OSBP2: variants seen among roughly 807,000 people sequenced by gnomAD.
The protein encoded by OSBP2 is oxysterol-binding protein 2.
In OSBP2, 66 loss-of-function variants were observed where a neutral mutation model predicts 96.0. That is an observed-to-expected ratio of 0.69 (90% CI 0.56 to 0.84). The LOEUF (loss-of-function observed/expected upper bound fraction) is 0.84, where lower values mean the gene tolerates loss of function less well. Among genes scored for constraint, OSBP2 ranks in the 40% least tolerant of loss-of-function variants. The pLI, the probability that OSBP2 is intolerant of heterozygous loss-of-function variation, is 0.00. For synonymous variants in OSBP2, 525 were observed against 520.9 expected (o/e 1.01, Z -0.11); for missense variants, 1,038 against 1,222.7 (o/e 0.85, Z 2.25).
Position 30,905,134 on chromosome 22 carries a change from C to CTTTT in OSBP2, c.2376-676_2376-673dup, listed in dbSNP as rs566334052. ...GCCTGGGCCACAGAGCGAGACCCGT[C>CTTTT]TTTTTTTTTTTTTTTTTTTTTTTTT... On this transcript the variant is annotated intron_variant, in intron 12 of 13. Transcript: ENST00000332585. Among the ~76,000 whole-genome samples, 84 of 68,722 alleles carry CTTTT rather than the reference C, an allele frequency of 1.2e-3. 6 individuals are homozygous for CTTTT. Among genetic ancestry groups the CTTTT allele is most frequent in the Middle Eastern group, 0.019 (2 of 104 alleles). 45.1% of individuals were successfully genotyped at this position (68,722 alleles called of 152,430 possible).
chr22:30,791,041 T>C (rs184391344), intron 2 of OSBP2, among the ~76,000 whole-genome samples: 73 of 152,248 alleles, frequency 4.8e-4, no homozygotes, highest in African/African-American at 1.7e-3. Context: ...TGGAGTGCAG[T>C]GGTGTGATCT....
At chr22:30,858,964 T>C (rs1305510299) in intron 2 of OSBP2, among the ~76,000 whole-genome samples, 2 of 151,660 alleles carry the variant, frequency 1.3e-5, no homozygotes, top group Non-Finnish European at 2.9e-5. Flanking sequence ...TTCAATAGGT[T>C]CCTATTTAGT....
intron 2 of OSBP2, among the ~76,000 whole-genome samples, chr22:30,824,495 GT>G (rs2038355474): frequency 6.6e-6 from 1 of 152,164 alleles, no homozygotes; most frequent in Admixed American, 6.5e-5. Flanking sequence ...GGAAATCTCA[GT>G]TTTTATAAGA....
At chr22:30,787,923 C>CA (rs1414475023) in intron 2 of OSBP2, among the ~76,000 whole-genome samples, 1 of 152,152 alleles carries the variant, frequency 6.6e-6, no homozygotes, top group Non-Finnish European at 1.5e-5. Flanking sequence ...GTCTTAGTGA[C>CA]AGACGGTAGT....
intron 1 of OSBP2, among the ~76,000 whole-genome samples, chr22:30,730,774 C>CTATATATATATATATATATATATATA (rs1206537838): frequency 7.2e-5 from 1 of 13,836 alleles, no homozygotes; most frequent in Non-Finnish European, 1.4e-4. Context: ...CTCTCTCTCT[C>CTATATATATATATATATATATATATA]TATATATATA....
At chr22:30,867,586 G>T (rs1008472824) in intron 2 of OSBP2, among the ~76,000 whole-genome samples, 14 of 152,214 alleles carry the variant, frequency 9.2e-5, no homozygotes, top group Admixed American at 2.0e-4. Flanking sequence ...GTGCTCATGG[G>T]TAATCATTGG....
intron 1 of OSBP2, among the ~76,000 whole-genome samples, chr22:30,740,507 C>T (rs1443204844): frequency 6.6e-6 from 1 of 152,240 alleles, no homozygotes; most frequent in Admixed American, 6.5e-5. Context: ...GGGCTGTTCC[C>T]ATCTTTGTTT....
chr22:30,905,815 A>ACCG lies in OSBP2; in HGVS notation c.2376-19_2376-17dup, dbSNP rs770411135. ...TCCGGCTCACACCGCAGCCACCGCC[A>ACCG]CCGCCACCACCACCGCCACAGGGAG... On this transcript the variant is annotated intron_variant, in intron 12 of 13. Transcript: ENST00000332585. 8.1e-6 allele frequency: 13 copies of ACCG among 1,610,034 alleles called. No homozygotes were observed. In the East Asian group the frequency reaches 1.3e-4, roughly 17 times the overall value.
chr22:30,705,043 C>T (rs912233526), intron 1 of OSBP2, among the ~76,000 whole-genome samples: 13 of 152,150 alleles, frequency 8.5e-5, no homozygotes, highest in African/African-American at 3.1e-4. Flanking sequence ...GATGGAGTGG[C>T]CTCTTGTCTC....
chr22:30,756,426 C>G (rs573160852), intron 2 of OSBP2, among the ~76,000 whole-genome samples: 1 of 152,124 alleles, frequency 6.6e-6, no homozygotes, highest in African/African-American at 2.4e-5. Context: ...TGGTGTCTCA[C>G]GCCTGTAACC....
At chr22:30,831,748 T>C (rs750306080) in intron 2 of OSBP2, among the ~76,000 whole-genome samples, 5 of 152,096 alleles carry the variant, frequency 3.3e-5, no homozygotes, top group East Asian at 1.9e-4. Context: ...ATCCACTCTT[T>C]AGCTTTCCCA....
At chr22:30,846,075 G>T (rs2038864558) in intron 2 of OSBP2, among the ~76,000 whole-genome samples, 2 of 151,994 alleles carry the variant, frequency 1.3e-5, no homozygotes, top group African/African-American at 4.8e-5. Flanking sequence ...CTAGGAGTGG[G>T]ATTGCTGGGT....
At chr22:30,902,497 G>A in intron 12 of OSBP2, 1 of 1,567,234 alleles carries the variant, frequency 6.4e-7, no homozygotes, top group Non-Finnish European at 8.8e-7. Context: ...AGGTGTACCA[G>A]ATGACGAAGC....
chr22:30,785,578 A>C (rs1304428831), intron 2 of OSBP2, among the ~76,000 whole-genome samples: 5 of 147,300 alleles, frequency 3.4e-5, no homozygotes, highest in Admixed American at 3.4e-4. Flanking sequence ...AAAAAAAAAA[A>C]AAAAACAGGC....
At chr22:30,843,999 C>T (rs775620776) in intron 2 of OSBP2, among the ~76,000 whole-genome samples, 12 of 151,970 alleles carry the variant, frequency 7.9e-5, no homozygotes, top group Non-Finnish European at 1.2e-4. Flanking sequence ...CTCAACCTCC[C>T]GAGTAGCTGG....
chr22:30,790,239 G>C (rs529770198), intron 2 of OSBP2, among the ~76,000 whole-genome samples: 6 of 151,980 alleles, frequency 3.9e-5, no homozygotes, highest in African/African-American at 7.3e-5. Context: ...CCGGGTTCAG[G>C]AAAGACTTTG....
At chr22:30,810,725 G>A (rs746728239) in intron 2 of OSBP2, among the ~76,000 whole-genome samples, 5 of 152,208 alleles carry the variant, frequency 3.3e-5, no homozygotes, top group Non-Finnish European at 7.3e-5. Flanking sequence ...CATAGGAATT[G>A]TGCCACGGGT....
chr22:30,765,260 A>C (rs2090256364), intron 2 of OSBP2, among the ~76,000 whole-genome samples: 1 of 151,774 alleles, frequency 6.6e-6, no homozygotes, highest in African/African-American at 2.4e-5. Context: ...CCCAGGCTGG[A>C]GTGCAGTGGT....
chr22:30,731,919 C>T (rs2089786333), intron 1 of OSBP2, among the ~76,000 whole-genome samples: 1 of 152,236 alleles, frequency 6.6e-6, no homozygotes, highest in South Asian at 2.1e-4. Context: ...TCTCCGCCAG[C>T]ACTCTGGCTG....
Sources: allele counts gnomAD v4.1 joint callset (sites outside exome capture counted in the v4.1 genomes callset), GRCh38; gene constraint gnomAD v4.1.1; transcripts MANE v1.5; gene names NCBI Gene and HGNC (gene_info 2026-07-23, HGNC 2026-07-21).